Variants in USP9X observed in about 807,000 individuals in gnomAD.
USP9X encodes ubiquitin specific peptidase 9 X-linked.
USP9X carries 7 observed loss-of-function variants against 190.3 expected under a neutral mutation model. The ratio of observed to expected loss-of-function variants is 0.04; its 90% CI spans 0.02 to 0.07. USP9X has a LOEUF of 0.07. USP9X is among the 10% of genes least tolerant of loss of function. The pLI is 1.00. For synonymous variants in USP9X, 645 were observed against 659.5 expected, an observed-to-expected ratio of 0.98 and a Z score of 0.34; for missense variants, 1,010 against 1,916.9, an observed-to-expected ratio of 0.53 and a Z score of 8.83.
In USP9X at chrX:41,122,251, C is replaced by G. The variant is rs758082161; in HGVS notation, c.-158-1220C>G. On this transcript the variant is annotated intron_variant, in intron 1 of 44. Coordinates refer to ENST00000378308, the MANE Select transcript of USP9X (RefSeq NM_001039591.3). ...GCAGGTGGCCACCTTTTTGCTGCATCTTTACGTGGTCTTTACTCTGTATGC... is the reference window on the plus strand; with the variant it reads ...GCAGGTGGCCACCTTTTTGCTGCATGTTTACGTGGTCTTTACTCTGTATGC... Among the ~76,000 whole-genome samples, 8 of 111,114 alleles carry G rather than the reference C, an allele frequency of 7.2e-5. No individual in the cohort carries two copies. In the South Asian group the frequency reaches 1.5e-3, roughly 21 times the overall value.
intron 14 of USP9X, among the ~76,000 whole-genome samples, chrX:41,157,554 A>G (rs776162460): frequency 6.7e-4 from 74 of 110,993 alleles, no homozygotes; most frequent in Non-Finnish European, 1.2e-3. Flanking sequence ...TATGAAGTCT[A>G]TTTCCCAGTC....
rs1181683142 is a variant in USP9X, at chrX:41,140,685, T to C, written c.684T>C (p.Phe228=). ...KGWLVDLLNK[F]GTLNGFQILH... ...GGCTAGTGGATCTTCTCAACAAATT[T>C]GGCACTTTAAATGGGTTCCAGATTT... Residue 228 remains phenylalanine, a synonymous_variant, in exon 7 of 45, where the codon TTT becomes TTC. Transcript: ENST00000378308. 1 of 1,205,469 alleles carries C rather than the reference T, an allele frequency of 8.3e-7. No individual in the cohort carries two copies. The highest frequency in any genetic ancestry group is 1.1e-6 in the Non-Finnish European group (1 of 893,592).
At chrX:41,164,420 T>TA (rs1381411304) in intron 15 of USP9X, among the ~76,000 whole-genome samples, 1 of 111,185 alleles carries the variant, frequency 9.0e-6, no homozygotes, top group African/African-American at 3.3e-5. Context: ...CATTGAGAGT[T>TA]ACTGCCATAG....
chrX:41,132,794 CTT>C (rs2062335197), intron 4 of USP9X, among the ~76,000 whole-genome samples: 1 of 108,711 alleles, frequency 9.2e-6, no homozygotes, highest in African/African-American at 3.4e-5. Flanking sequence ...TGATTTTTCT[CTT>C]AAAGAATCGG....
At chrX:41,114,035 T>A (rs1322792766) in intron 1 of USP9X, among the ~76,000 whole-genome samples, 4 of 112,779 alleles carry the variant, frequency 3.5e-5, no homozygotes, top group Non-Finnish European at 7.5e-5. Flanking sequence ...CCATCTCCTT[T>A]TGCTACTGCG....
At chrX:41,189,095 AAG>A (rs976919791) in intron 25 of USP9X, among the ~76,000 whole-genome samples, 1 of 112,272 alleles carries the variant, frequency 8.9e-6, no homozygotes, top group Non-Finnish European at 1.9e-5. Flanking sequence ...AGCCCTCCTG[AAG>A]ACATAGGAAA....
In USP9X at chrX:41,095,085, T is replaced by C. The variant is rs2061980214; in HGVS notation, c.-159+8976T>C. Reference sequence around the variant, plus strand: ...GTTCAGATTTTGGAGCATTTTGGATTCCAGATTTTTCAGATAAGGGATGCT... The same window carrying C: ...GTTCAGATTTTGGAGCATTTTGGATCCCAGATTTTTCAGATAAGGGATGCT... On this transcript the variant is annotated intron_variant, in intron 1 of 44. Transcript: ENST00000378308. Among the ~76,000 whole-genome samples the C allele has an allele frequency of 2.7e-5, 3 of 110,476 alleles. No homozygotes were observed. The Admixed American group carries it at 2.9e-4, about 11-fold the overall frequency.
At chrX:41,192,974 A>G (rs1423601413) in intron 26 of USP9X, among the ~76,000 whole-genome samples, 1 of 111,865 alleles carries the variant, frequency 8.9e-6, no homozygotes, top group Non-Finnish European at 1.9e-5. Context: ...TTTAGAGGTC[A>G]CCTTTTATCA....
intron 21 of USP9X, among the ~76,000 whole-genome samples, chrX:41,175,100 G>C (rs1434882325): frequency 8.9e-6 from 1 of 112,372 alleles, no homozygotes; most frequent in Non-Finnish European, 1.9e-5. Context: ...GTTATAATCT[G>C]TTACTATCAT....
At position 41,170,183 on chromosome X, in the gene USP9X, A is replaced by G; in HGVS notation, c.2825A>G (p.Asp942Gly). Residue 942 changes from aspartate (D) to glycine (G), a missense_variant, in exon 19 of 45, where the codon GAT becomes GGT. Coordinates refer to ENST00000378308, the MANE Select transcript of USP9X (RefSeq NM_001039591.3). Reference protein sequence around the residue: ...IELFVGGELIDPADDRKLIGQ... With the variant: ...IELFVGGELIGPADDRKLIGQ... ...CTCTTTGTGGGCGGTGAGCTGATAG[A>G]TCCTGCAGATGATAGAAAGTTGATT... 8.3e-7 allele frequency: 1 copy of G among 1,211,540 alleles called. No individual in the cohort carries two copies.
At chrX:41,148,694 G>C in intron 12 of USP9X, 119 bp downstream of exon 12, 4 of 702,045 alleles carry the variant, frequency 5.7e-6, no homozygotes, top group Non-Finnish European at 8.3e-6. Context: ...TTCCGGAGTT[G>C]ACTTTTTTTG....
intron 38 of USP9X, among the ~76,000 whole-genome samples, chrX:41,219,879 G>A: frequency 9.0e-6 from 1 of 111,234 alleles, no homozygotes; most frequent in Non-Finnish European, 1.9e-5. Flanking sequence ...TAGCTACTTG[G>A]GAGGCTGAGG....
At chrX:41,187,604 A>C (rs2062892877) in intron 24 of USP9X, among the ~76,000 whole-genome samples, 2 of 112,502 alleles carry the variant, frequency 1.8e-5, no homozygotes, top group Non-Finnish European at 3.8e-5. Context: ...AAAATGTAAT[A>C]GTAAAGAGCT....
intron 32 of USP9X, among the ~76,000 whole-genome samples, chrX:41,210,177 T>C (rs2063145651): frequency 8.9e-6 from 1 of 112,069 alleles, no homozygotes; most frequent in African/African-American, 3.2e-5. Context: ...GTATCTTTAA[T>C]TGGATTCAAA....
intron 9 of USP9X, among the ~76,000 whole-genome samples, chrX:41,142,381 C>T: frequency 9.0e-6 from 1 of 111,455 alleles, no homozygotes; most frequent in East Asian, 2.8e-4. Flanking sequence ...GTGGCTCACG[C>T]ATGTAATCCC....
At chrX:41,129,677 T>G (rs1212502867) in intron 3 of USP9X, among the ~76,000 whole-genome samples, 1 of 111,864 alleles carries the variant, frequency 8.9e-6, no homozygotes, top group Non-Finnish European at 1.9e-5. Flanking sequence ...TTTAAGCTTT[T>G]GTGCAGAGGA....
intron 43 of USP9X, chrX:41,229,993 G>C: frequency 1.8e-6 from 1 of 568,803 alleles, no homozygotes; most frequent in East Asian, 4.0e-5. Flanking sequence ...CTGAGGTCAG[G>C]AGTTCAAGAC....
chrX:41,145,098 C>T (rs1459723326), intron 11 of USP9X, among the ~76,000 whole-genome samples: 4 of 111,706 alleles, frequency 3.6e-5, no homozygotes, highest in Non-Finnish European at 1.9e-5. Flanking sequence ...TTTGTAACAT[C>T]TTTGATTAGT....
At chrX:41,143,502 G>A in intron 10 of USP9X, 59 bp downstream of exon 10, 7 of 1,023,381 alleles carry the variant, frequency 6.8e-6, no homozygotes, top group Non-Finnish European at 9.1e-6. Context: ...AAAAACTGAA[G>A]AAATACAGTA....
Sources: allele counts gnomAD v4.1 joint callset (sites outside exome capture counted in the v4.1 genomes callset), GRCh38; gene constraint gnomAD v4.1.1; transcripts MANE v1.5; gene names NCBI Gene and HGNC (gene_info 2026-07-23, HGNC 2026-07-21).